Variants in MNAT1 observed in about 807,000 individuals in gnomAD.
MNAT1 encodes the protein MNAT1 component of CDK activating kinase.
Under a neutral mutation model 42.0 loss-of-function variants are expected in MNAT1, and 43 were observed. The observed-to-expected ratio is 1.02, with a 90% CI of 0.80 to 1.32. The LOEUF (loss-of-function observed/expected upper bound fraction) is 1.32, where lower values mean the gene tolerates loss of function less well. Ranked by LOEUF, MNAT1 falls within the 40% of genes most tolerant of loss-of-function variation. MNAT1 has a pLI of 0.00. For missense variants in MNAT1, 306 were observed against 350.4 expected (o/e 0.87, Z 1.01); for synonymous variants, 118 against 120.0 (o/e 0.98, Z 0.11).
chr14:60,767,172 A>G (rs2030859810), intron 1 of MNAT1, among the ~76,000 whole-genome samples: 2 of 152,226 alleles, frequency 1.3e-5, no homozygotes, highest in African/African-American at 4.8e-5. Flanking sequence ...GAAATGCAAT[A>G]TAAACCTAAA....
chr14:60,941,740 C>T (rs1042305198), intron 7 of MNAT1, among the ~76,000 whole-genome samples: 1 of 149,958 alleles, frequency 6.7e-6, no homozygotes, highest in Non-Finnish European at 1.5e-5. Context: ...CGCGGTGGCT[C>T]ACTCCTGTAA....
intron 7 of MNAT1, among the ~76,000 whole-genome samples, chr14:60,958,279 A>G (rs1450605711): frequency 6.6e-6 from 1 of 152,170 alleles, no homozygotes; most frequent in African/African-American, 2.4e-5. Context: ...TTGGTGAAGG[A>G]TAGCTTTGCT....
At chr14:60,961,767 C>T (rs2036597683) in intron 7 of MNAT1, among the ~76,000 whole-genome samples, 1 of 152,078 alleles carries the variant, frequency 6.6e-6, no homozygotes, top group Admixed American at 6.6e-5. Flanking sequence ...AATGAATGAG[C>T]TGCATGTATC....
chr14:60,954,505 T>A (rs2139609677), intron 7 of MNAT1, among the ~76,000 whole-genome samples: 1 of 152,286 alleles, frequency 6.6e-6, no homozygotes, highest in Admixed American at 6.5e-5. Context: ...TTGGTAGCTA[T>A]TGTAAATGGG....
intron 7 of MNAT1, among the ~76,000 whole-genome samples, chr14:60,914,721 A>G (rs1374199336): frequency 1.3e-5 from 2 of 152,190 alleles, no homozygotes; most frequent in Non-Finnish European, 2.9e-5. Context: ...CATTATTTTA[A>G]GTAGGCTATA....
chr14:60,909,522 A>G (rs1337324054), intron 7 of MNAT1, among the ~76,000 whole-genome samples: 2 of 152,220 alleles, frequency 1.3e-5, no homozygotes, highest in Non-Finnish European at 2.9e-5. Context: ...GAAGGGCTCC[A>G]GTTTCAGCTT....
chr14:60,822,453 G>A (rs1387040741), intron 6 of MNAT1, among the ~76,000 whole-genome samples: 1 of 152,004 alleles, frequency 6.6e-6, no homozygotes. Context: ...TTAGAGACAG[G>A]ATCTTGTTCT....
intron 1 of MNAT1, chr14:60,780,057 G>T: frequency 6.7e-7 from 1 of 1,484,828 alleles, no homozygotes; most frequent in Non-Finnish European, 9.4e-7. Context: ...TTCTCATTCG[G>T]CATCAACAGC....
At chr14:60,799,953 T>G (rs188478662) in intron 3 of MNAT1, among the ~76,000 whole-genome samples, 30 of 152,220 alleles carry the variant, frequency 2.0e-4, no homozygotes, top group Admixed American at 1.4e-3. Flanking sequence ...AGGACTGTCT[T>G]CAGTTGCAGT....
At chr14:60,810,709 A>G (rs568767049) in intron 4 of MNAT1, among the ~76,000 whole-genome samples, 1 of 152,252 alleles carries the variant, frequency 6.6e-6, no homozygotes, top group South Asian at 2.1e-4. Flanking sequence ...GTCAGGAAAG[A>G]TACTTGGTAT....
At chr14:60,887,395 C>A in intron 7 of MNAT1, among the ~76,000 whole-genome samples, 1 of 117,170 alleles carries the variant, frequency 8.5e-6, no homozygotes, top group Non-Finnish European at 1.7e-5. Flanking sequence ...CCCCCTCCCC[C>A]CACCCCACAA....
rs1896275313 is a variant in MNAT1, at chr14:60,735,378, T to C, written c.89+427T>C. Among the ~76,000 whole-genome samples, 3 of 152,320 alleles carry C rather than the reference T, an allele frequency of 2.0e-5. No individual in the cohort carries two copies. In the South Asian group the frequency reaches 6.2e-4, roughly 32 times the overall value. ...TTGAGTATATACTGCTGCTATTTATTGTATGAGTTAATTAAAAAACCCTGT... is the reference window on the plus strand; with the variant it reads ...TTGAGTATATACTGCTGCTATTTATCGTATGAGTTAATTAAAAAACCCTGT... On this transcript the variant is annotated intron_variant, in intron 1 of 7. Coordinates refer to ENST00000261245, the MANE Select transcript of MNAT1 (RefSeq NM_002431.4).
chr14:60,748,254 A>G (rs796488258), intron 1 of MNAT1, among the ~76,000 whole-genome samples: 25 of 151,494 alleles, frequency 1.7e-4, no homozygotes, highest in African/African-American at 6.0e-4. Context: ...TTTTTGAGAC[A>G]GGGTCTTGCT....
chr14:60,894,380 T>G (rs1266474565), intron 7 of MNAT1, among the ~76,000 whole-genome samples: 1 of 152,132 alleles, frequency 6.6e-6, no homozygotes, highest in Non-Finnish European at 1.5e-5. Flanking sequence ...TCTTTCTTTT[T>G]TAGTCTTCTA....
chr14:60,819,182 A>T (rs1385169154), intron 6 of MNAT1, among the ~76,000 whole-genome samples: 1 of 152,124 alleles, frequency 6.6e-6, no homozygotes, highest in Non-Finnish European at 1.5e-5. Flanking sequence ...AAGCAAATGT[A>T]TCAATTAGTG....
intron 7 of MNAT1, among the ~76,000 whole-genome samples, chr14:60,905,389 G>A (rs2035173693): frequency 6.6e-6 from 1 of 152,108 alleles, no homozygotes; most frequent in African/African-American, 2.4e-5. Flanking sequence ...AGAAACACCT[G>A]TTAGATATAG....
chr14:60,771,148 A>G (rs2031037869), intron 1 of MNAT1, among the ~76,000 whole-genome samples: 1 of 152,158 alleles, frequency 6.6e-6, no homozygotes, highest in East Asian at 1.9e-4. Context: ...TGTACAGTTT[A>G]CACTCCTATC....
intron 3 of MNAT1, among the ~76,000 whole-genome samples, chr14:60,802,402 A>G (rs923393956): frequency 6.6e-6 from 1 of 152,206 alleles, no homozygotes; most frequent in Non-Finnish European, 1.5e-5. Flanking sequence ...AAATAGTTCC[A>G]CAGTGAATAC....
chr14:60,823,648 C>G (rs937789258), intron 6 of MNAT1, among the ~76,000 whole-genome samples: 1 of 150,480 alleles, frequency 6.6e-6, no homozygotes, highest in Non-Finnish European at 1.5e-5. Flanking sequence ...CACCTGAGGT[C>G]AGGAGTTTGA....
Sources: gnomAD v4.1 joint callset for allele counts (sites outside exome capture counted in the v4.1 genomes callset) on GRCh38, gnomAD v4.1.1 for gene constraint, MANE v1.5 for transcripts, NCBI Gene and HGNC (gene_info 2026-07-23, HGNC 2026-07-21) for gene names.